PAX3: variants seen among roughly 807,000 people sequenced by gnomAD.
The protein encoded by PAX3 is paired box 3, also known as paired box protein Pax-3.
A neutral mutation model predicts 51.6 loss-of-function variants in PAX3; 14 were observed. That is an observed-to-expected ratio of 0.27 (90% CI 0.18 to 0.42). The LOEUF (loss-of-function observed/expected upper bound fraction) is 0.42, where lower values mean the gene tolerates loss of function less well. Among genes scored for constraint, PAX3 ranks in the 10% least tolerant of loss-of-function variants. PAX3 has a pLI of 1.00. For missense variants in PAX3, 540 were observed against 642.8 expected (o/e 0.84, Z 1.73); for synonymous variants, 280 against 253.4 (o/e 1.11, Z -1.00).
intron 7 of PAX3, among the ~76,000 whole-genome samples, chr2:222,206,188 G>A (rs1429277940): frequency 6.7e-6 from 1 of 150,234 alleles, no homozygotes; most frequent in Admixed American, 6.6e-5. Flanking sequence ...GCCTAGTTTT[G>A]ACAAACAATT....
intron 5 of PAX3, chr2:222,221,718 A>C: frequency 2.9e-6 from 1 of 345,680 alleles, no homozygotes; most frequent in Non-Finnish European, 5.6e-6. Context: ...ACCTACGTGT[A>C]GACAGCCTTC....
intron 7 of PAX3, among the ~76,000 whole-genome samples, chr2:222,205,523 G>C (rs1014299168): frequency 1.3e-5 from 2 of 152,132 alleles, no homozygotes; most frequent in African/African-American, 4.8e-5. Flanking sequence ...TTTCCACTGT[G>C]ATGGTCACAT....
chr2:222,298,276 A>T (rs1313590680), intron 1 of PAX3: 1 of 534,828 alleles, frequency 1.9e-6, no homozygotes, highest in Non-Finnish European at 3.3e-6. Context: ...TTTCCAAAAC[A>T]ACAGGGACAA....
chr2:222,204,021 G>A (rs942849028), intron 7 of PAX3, among the ~76,000 whole-genome samples: 1 of 152,140 alleles, frequency 6.6e-6, no homozygotes, highest in Non-Finnish European at 1.5e-5. Context: ...CATTTTGAAA[G>A]ACATCCCAGG....
At chr2:222,293,937 A>T in intron 4 of PAX3, 1 of 1,532,186 alleles carries the variant, frequency 6.5e-7, no homozygotes, top group Non-Finnish European at 8.7e-7. Context: ...AAAGTGGTTA[A>T]GAAAGAAAGA....
intron 4 of PAX3, 107 bp downstream of exon 4, chr2:222,294,060 G>A (rs1006437518): frequency 6.3e-7 from 1 of 1,579,168 alleles, no homozygotes; most frequent in African/African-American, 1.3e-5. Context: ...GCGCATGAAG[G>A]GACCTTGATC....
chr2:222,294,412 G>A (rs1695177901), intron 3 of PAX3, 111 bp from the exon 4 acceptor site: 1 of 1,147,172 alleles, frequency 8.7e-7, no homozygotes, highest in Non-Finnish European at 1.3e-6. Context: ...TAGAGCCGCT[G>A]CCCTGCACTG....
At chr2:222,254,122 C>G (rs1693545001) in intron 4 of PAX3, among the ~76,000 whole-genome samples, 1 of 152,226 alleles carries the variant, frequency 6.6e-6, no homozygotes, top group African/African-American at 2.4e-5. Flanking sequence ...ATATGACATC[C>G]AATCTCCAGG....
At chr2:222,261,610 A>G (rs547149251) in intron 4 of PAX3, among the ~76,000 whole-genome samples, 29 of 151,926 alleles carry the variant, frequency 1.9e-4, no homozygotes, top group Middle Eastern at 6.8e-3. Context: ...ACAAAAAAAA[A>G]AAAAAGAAAA....
intron 4 of PAX3, among the ~76,000 whole-genome samples, chr2:222,287,759 T>C (rs1694882379): frequency 6.6e-6 from 1 of 152,192 alleles, no homozygotes; most frequent in South Asian, 2.1e-4. Context: ...ACAGATGGAT[T>C]ATTAATTAAT....
intron 4 of PAX3, among the ~76,000 whole-genome samples, chr2:222,289,791 G>A (rs1441596123): frequency 2.0e-5 from 3 of 152,278 alleles, no homozygotes; most frequent in South Asian, 2.1e-4. Context: ...AGAACACGGC[G>A]TGGTGTTCTA....
chr2:222,298,609 T>C lies in PAX3; in HGVS notation c.7A>G (p.Thr3Ala), dbSNP rs1695438569. ...ATCCTGGGCACAGCGCCGGCCAGCG[T>C]GGTCATCCTGGGGGCAGCTTCGCTC... MT[T>A]LAGAVPRMMR... Residue 3 changes from threonine to alanine, a missense_variant, in exon 1 of 9, where the codon ACG (threonine) becomes GCG (alanine). Transcript: ENST00000392070. 1 of 1,605,502 alleles carries C rather than the reference T, an allele frequency of 6.2e-7. No homozygotes were observed. Among genetic ancestry groups the C allele is most frequent in the East Asian group, 2.2e-5 (1 of 44,518 alleles).
At chr2:222,211,809 G>A (rs1327296392) in intron 7 of PAX3, among the ~76,000 whole-genome samples, 6 of 152,036 alleles carry the variant, frequency 3.9e-5, no homozygotes, top group Non-Finnish European at 8.8e-5. Context: ...GACTTGTCAG[G>A]GCCTTTAGTA....
chr2:222,218,481 A>C, intron 7 of PAX3, among the ~76,000 whole-genome samples: 1 of 152,230 alleles, frequency 6.6e-6, no homozygotes, highest in East Asian at 1.9e-4. Context: ...TTGCAGAAGC[A>C]GCTAGGGCAG....
chr2:222,225,300 A>G (rs1036972014), intron 5 of PAX3, among the ~76,000 whole-genome samples: 1 of 152,102 alleles, frequency 6.6e-6, no homozygotes, highest in Non-Finnish European at 1.5e-5. Flanking sequence ...GCCATATTTC[A>G]TGTCTTTGAA....
intron 4 of PAX3, among the ~76,000 whole-genome samples, chr2:222,242,223 C>A (rs1416743979): frequency 6.6e-6 from 1 of 152,114 alleles, no homozygotes; most frequent in Non-Finnish European, 1.5e-5. Flanking sequence ...GTCCATTGAA[C>A]AACTTACTTC....
intron 5 of PAX3, among the ~76,000 whole-genome samples, chr2:222,229,194 A>AT (rs1402030517): frequency 2.7e-5 from 4 of 150,692 alleles, no homozygotes; most frequent in Admixed American, 2.0e-4. Context: ...TGTGATACAG[A>AT]TTTTTTCTCT....
At chr2:222,298,263 G>T in intron 1 of PAX3, 1 of 510,460 alleles carries the variant, frequency 2.0e-6, no homozygotes, top group Non-Finnish European at 3.5e-6. Flanking sequence ...CTCCACCGCG[G>T]CATTTCCAAA....
chr2:222,265,646 A>AGAAGGAAGGAAGGAAG (rs71053065), intron 4 of PAX3, among the ~76,000 whole-genome samples: 16,005 of 109,028 alleles, frequency 0.15, 1,696 homozygotes, highest in Admixed American at 0.19. Flanking sequence ...ATCAAAAAAA[A>AGAAGGAAGGAAGGAAG]GAAGGAAGGA....
Sources: gnomAD v4.1 joint callset for allele counts (sites outside exome capture counted in the v4.1 genomes callset) on GRCh38, gnomAD v4.1.1 for gene constraint, MANE v1.5 for transcripts, NCBI Gene and HGNC (gene_info 2026-07-23, HGNC 2026-07-21) for gene names.